The following ZNF831 variants were observed in gnomAD, a reference collection of about 807,000 sequenced individuals.
The protein encoded by ZNF831 is zinc finger protein 831.
In ZNF831, 59 loss-of-function variants were observed where a neutral mutation model predicts 95.8. That is an observed-to-expected ratio of 0.62 (90% CI 0.50 to 0.77). ZNF831 has a LOEUF of 0.77. ZNF831 is among the 30% of genes least tolerant of loss of function. The pLI is 0.00. For synonymous variants in ZNF831, 961 were observed against 925.5 expected (o/e 1.04, Z -0.70); for missense variants, 2,205 against 2,164.0 (o/e 1.02, Z -0.38).
intron 1 of ZNF831, among the ~76,000 whole-genome samples, chr20:59,123,728 G>C (rs1979076320): frequency 6.6e-6 from 1 of 152,186 alleles, no homozygotes; most frequent in Admixed American, 6.5e-5. Flanking sequence ...CAGGTGAGGG[G>C]AGTGGGCTAC....
In ZNF831 at chr20:59,254,161, T is replaced by C. The variant is rs1429479350; in HGVS notation, c.4452T>C (p.His1484=). ...GGTCCAAAGGAACTTTTCCCCACCA[T>C]GACATTGCTACCTCTGTGGCTGCCG... The part of the protein sequence containing the change: ...SFGSKGTFPH[H]DIATSVAAVC... Residue 1484 remains histidine (H), a synonymous_variant, in exon 6 of 6, where the codon CAT becomes CAC. Transcript: ENST00000371030. The surrounding 1 kb of genome is among the most constrained non-coding windows in gnomAD (Gnocchi z 4.5). 2.5e-6 allele frequency: 4 copies of C among 1,614,022 alleles called. No individual in the cohort carries two copies. In the South Asian group the frequency reaches 4.4e-5, roughly 18 times the overall value.
At chr20:59,131,071 C>T (rs1194618038) in intron 1 of ZNF831, among the ~76,000 whole-genome samples, 2 of 152,090 alleles carry the variant, frequency 1.3e-5, no homozygotes, top group East Asian at 1.9e-4. Flanking sequence ...AATCCATCTC[C>T]CTTTGAAACA....
rs575578335 is a variant in ZNF831, at chr20:59,124,482, C to T, written c.-1425+977C>T. 1.1e-4 allele frequency among the ~76,000 whole-genome samples: 17 copies of T among 152,352 alleles called. No individual in the cohort carries two copies. The South Asian group carries it at 3.5e-3, about 32-fold the overall frequency. ...CCAAGTTCTGAAATCATCTGGGCTT[C>T]ACAAGCATGATTAGCTGTTGATCTG... On this transcript the variant is annotated intron_variant, in intron 1 of 7. Coordinates refer to the ZNF831 transcript ENST00000637017.
chr20:59,192,243 C>T lies in ZNF831; in HGVS notation c.1224C>T (p.Ile408=), dbSNP rs1319255247. The T allele has an allele frequency of 6.3e-7, 1 of 1,594,502 alleles. No homozygotes were observed. The highest frequency in any genetic ancestry group is 2.3e-5 in the East Asian group (1 of 44,256). ...ELEKKRLEER[I]AQLISHNQAV... is the part of the protein sequence containing the mutation. ...AGAAGAAGCGGCTGGAGGAGCGCAT[C>T]GCCCAGCTCATCTCCCACAACCAGG... The change falls in exon 2 of 6, where the codon ATC becomes ATT. Residue 408 remains isoleucine (I), a synonymous_variant. Coordinates refer to ENST00000371030, the MANE Select transcript of ZNF831 (RefSeq NM_178457.3). This position sits in a 1 kb window ranked among gnomAD's most constrained non-coding sequence, Gnocchi z 5.2.
At chr20:59,149,155 G>T (rs1274757016) in intron 2 of ZNF831, among the ~76,000 whole-genome samples, 3 of 152,222 alleles carry the variant, frequency 2.0e-5, no homozygotes, top group Non-Finnish European at 4.4e-5. Flanking sequence ...CTCTGTTTGA[G>T]ATCAGACCAG....
chr20:59,192,853 C>A lies in ZNF831; in HGVS notation c.1834C>A (p.Leu612Met), dbSNP rs2146573096. ...CGGCAGGAAGTGCGGCCAGAGAAGG[C>A]TGAAGATGTTCTCCCAGGAGAAGTG... is the stretch of plus-strand genomic sequence containing the variant. ...AGGRKCGQRR[L>M]KMFSQEKWQV... The change falls in exon 2 of 6, where the codon CTG (leucine) becomes ATG (methionine). Residue 612 changes from leucine (L) to methionine (M), a missense_variant. By Grantham distance (15) the Leu-to-Met change is conservative. Transcript: ENST00000371030. The surrounding 1 kb of genome is among the most constrained non-coding windows in gnomAD (Gnocchi z 5.2). 6.2e-7 allele frequency: 1 copy of A among 1,603,388 alleles called. No homozygotes were observed. Among genetic ancestry groups the A allele is most frequent in the African/African-American group, 1.3e-5 (1 of 74,870 alleles).
At position 59,194,515 on chromosome 20, in the gene ZNF831, A is replaced by G. The variant is rs369340093; in HGVS notation, c.3496A>G (p.Ser1166Gly). ...GACGTCCCGGAGCCACAGCACCCGC[A>G]GTCCCCACAGCACCCAAAACCCCTT... ...SGTSRSHSTR[S>G]PHSTQNPFPS... is the part of the protein sequence containing the mutation. Residue 1166 changes from serine to glycine, a missense_variant, in exon 2 of 6, where the codon AGT (serine) becomes GGT (glycine). By Grantham distance (56) the Ser-to-Gly change is moderately conservative (BLOSUM62 0). Transcript: ENST00000371030. The G allele has an allele frequency of 1.9e-6, 3 of 1,609,018 alleles. No homozygotes were observed. Among genetic ancestry groups the G allele is most frequent in the African/African-American group, 2.7e-5 (2 of 74,876 alleles).
chr20:59,150,991 G>A (rs1249849665), intron 2 of ZNF831, among the ~76,000 whole-genome samples: 2 of 152,160 alleles, frequency 1.3e-5, no homozygotes, highest in East Asian at 1.9e-4. Context: ...CACTTGGCCC[G>A]CCTGCCCAGA....
Position 59,254,206 on chromosome 20 carries a change from G to A in ZNF831, c.4497G>A (p.Val1499=), listed in dbSNP as rs1467537490. ...SVAAVCISLP[V]RTDHIAQEIH... ...CTGCCGTTTGTATTTCTCTGCCAGT[G>A]AGAACAGATCACATAGCCCAGGAAA... Residue 1499 remains valine, a synonymous_variant, in exon 6 of 6, where the codon GTG becomes GTA. Coordinates refer to ENST00000371030, the MANE Select transcript of ZNF831 (RefSeq NM_178457.3). The surrounding 1 kb of genome is among the most constrained non-coding windows in gnomAD (Gnocchi z 4.5). The A allele has an allele frequency of 2.5e-6, 4 of 1,613,964 alleles. No individual in the cohort carries two copies. In the South Asian group the frequency reaches 4.4e-5, roughly 18 times the overall value.
chr20:59,204,596 C>T (rs1601394702), intron 3 of ZNF831, among the ~76,000 whole-genome samples: 1 of 152,178 alleles, frequency 6.6e-6, no homozygotes, highest in South Asian at 2.1e-4. Context: ...CTCATAGTTT[C>T]GCCCCAGAAA....
intron 4 of ZNF831, among the ~76,000 whole-genome samples, chr20:59,242,125 A>G (rs1433939289): frequency 6.6e-6 from 1 of 152,154 alleles, no homozygotes; most frequent in Non-Finnish European, 1.5e-5. Flanking sequence ...GCCAACTCTA[A>G]TATTTTCTTT....
chr20:59,232,062 C>T (rs1161290762), intron 4 of ZNF831, among the ~76,000 whole-genome samples: 2 of 152,104 alleles, frequency 1.3e-5, no homozygotes, highest in Admixed American at 1.3e-4. Context: ...ACCCGTACAC[C>T]CTTCCAGAAA....
chr20:59,156,811 G>C (rs1327003549), intron 2 of ZNF831, among the ~76,000 whole-genome samples: 2 of 152,094 alleles, frequency 1.3e-5, no homozygotes, highest in Non-Finnish European at 2.9e-5. Context: ...ACGTCCTCTG[G>C]GCCCCTCTGT....
chr20:59,216,252 C>T (rs1189770939), intron 4 of ZNF831, among the ~76,000 whole-genome samples: 4 of 152,126 alleles, frequency 2.6e-5, no homozygotes, highest in African/African-American at 7.2e-5. Context: ...AGGCTTTGAC[C>T]TGTATGGATT....
At chr20:59,212,408 T>A (rs1021185824) in intron 4 of ZNF831, among the ~76,000 whole-genome samples, 3 of 152,142 alleles carry the variant, frequency 2.0e-5, no homozygotes, top group African/African-American at 7.2e-5. Context: ...TTTTCCCTAA[T>A]CCTAAATCCG....
upstream of ZNF831, among the ~76,000 whole-genome samples, chr20:59,159,360 G>A (rs756425001): frequency 6.6e-6 from 1 of 152,120 alleles, no homozygotes; most frequent in Admixed American, 6.6e-5. Context: ...AACTCTCAGT[G>A]GGAATAAAGT....
chr20:59,242,035 C>T (rs1390293398), intron 4 of ZNF831, among the ~76,000 whole-genome samples: 2 of 152,316 alleles, frequency 1.3e-5, no homozygotes, highest in South Asian at 2.1e-4. Context: ...CTAAATGCTC[C>T]TTCAATATTT....
intron 1 of ZNF831, among the ~76,000 whole-genome samples, chr20:59,132,096 A>T (rs769662832): frequency 6.6e-6 from 1 of 152,204 alleles, no homozygotes; most frequent in African/African-American, 2.4e-5. Context: ...GAAATTTCAC[A>T]CAAGTGGGAA....
chr20:59,148,407 C>T lies in ZNF831; in HGVS notation c.-1281+2033C>T, dbSNP rs1006271067. On this transcript the variant is annotated intron_variant, in intron 2 of 7. Transcript: ENST00000637017. The stretch of plus-strand genomic sequence containing the variant: ...GATGGGTTAGAACAGAGCGGCCGGG[C>T]GCGGTGGCTCACGCCTGTAATCCCA... Among the ~76,000 whole-genome samples, 18 of 148,148 alleles carry T rather than the reference C, an allele frequency of 1.2e-4. 2 individuals are homozygous for T. Among genetic ancestry groups the T allele is most frequent in the Non-Finnish European group, 1.8e-4 (12 of 66,760 alleles).
Sources: allele counts gnomAD v4.1 joint callset (sites outside exome capture counted in the v4.1 genomes callset), GRCh38; gene constraint gnomAD v4.1.1; non-coding constraint Gnocchi (gnomAD v3.1); transcripts MANE v1.5; gene names NCBI Gene and HGNC (gene_info 2026-07-23, HGNC 2026-07-21).